The following TAOK3 variants were observed in gnomAD, a reference collection of about 807,000 sequenced individuals.
TAOK3 encodes the protein TAO kinase 3, also known as serine/threonine-protein kinase TAO3.
A neutral mutation model predicts 120.4 loss-of-function variants in TAOK3; 40 were observed. The observed-to-expected ratio is 0.33, with a 90% CI of 0.26 to 0.43. The LOEUF (loss-of-function observed/expected upper bound fraction) is 0.43, where lower values mean the gene tolerates loss of function less well. Ranked by LOEUF, TAOK3 falls within the 20% of genes least tolerant of loss-of-function variation. The pLI is 1.00. For synonymous variants in TAOK3, 355 were observed against 387.5 expected, an observed-to-expected ratio of 0.92 and a Z score of 0.99; for missense variants, 821 against 1,112.1, an observed-to-expected ratio of 0.74 and a Z score of 3.72.
intron 1 of TAOK3, among the ~76,000 whole-genome samples, chr12:118,285,383 G>GCAAGAGCAAGA (rs2042231589): frequency 6.7e-6 from 1 of 150,262 alleles, no homozygotes. Context: ...ACCAAGTCTT[G>GCAAGAGCAAGA]CTCTTGTCCC....
Position 118,149,894 on chromosome 12 carries a change from A to T in TAOK3, c.*1103T>A, listed in dbSNP as rs1332689118. ...CTGAAAAATGTTTTGTTTTGTTTTT[A>T]AAGTGCATGCAAAAGAAGTAAAGCC... On this transcript the variant is annotated 3_prime_UTR_variant, in exon 21 of 21. Coordinates refer to ENST00000392533, the MANE Select transcript of TAOK3 (RefSeq NM_016281.4). 6.6e-6 allele frequency: 1 copy of T among 152,248 alleles called. No individual in the cohort carries two copies. The highest frequency in any genetic ancestry group is 6.5e-5 in the Admixed American group (1 of 15,282). 9.4% of individuals were successfully genotyped at this position (152,248 alleles called of 1,614,324 possible). A position where few individuals can be genotyped will look rare whatever the true frequency, so the allele number is the denominator to read the frequency against.
At chr12:118,187,459 C>T (rs939387538) in intron 14 of TAOK3, among the ~76,000 whole-genome samples, 1 of 152,096 alleles carries the variant, frequency 6.6e-6, no homozygotes, top group African/African-American at 2.4e-5. Flanking sequence ...TTATACACTA[C>T]TGTTGGCATT....
At chr12:118,320,457 A>G (rs1380816171) in intron 1 of TAOK3, among the ~76,000 whole-genome samples, 6 of 152,136 alleles carry the variant, frequency 3.9e-5, no homozygotes, top group African/African-American at 1.4e-4. Context: ...TAAGATACTG[A>G]ACAATAATAT....
intron 1 of TAOK3, among the ~76,000 whole-genome samples, chr12:118,301,584 TC>T (rs1033176542): frequency 6.6e-6 from 1 of 151,964 alleles, no homozygotes; most frequent in African/African-American, 2.4e-5. Flanking sequence ...GGTGGCTCAC[TC>T]CTATAATCCC....
At position 118,371,755 on chromosome 12, in the gene TAOK3, G is replaced by T. The variant is rs1366076556; in HGVS notation, c.-194+893C>A. Reference sequence around the variant, plus strand: ...CCCTCGCTGCTCACGCCGGGCCCCCGCTATGTGACTGGGGGCCCGACCCGC... The same window carrying T: ...CCCTCGCTGCTCACGCCGGGCCCCCTCTATGTGACTGGGGGCCCGACCCGC... On this transcript the variant is annotated intron_variant, in intron 1 of 20. Transcript: ENST00000392533. This position sits in a 1 kb window ranked among gnomAD's most constrained non-coding sequence, Gnocchi z 5.5. Among the ~76,000 whole-genome samples, 1 of 152,010 alleles carries T rather than the reference G, an allele frequency of 6.6e-6. No individual in the cohort carries two copies. Among genetic ancestry groups the T allele is most frequent in the Non-Finnish European group, 1.5e-5 (1 of 67,968 alleles).
intron 1 of TAOK3, among the ~76,000 whole-genome samples, chr12:118,360,518 A>T (rs1021236989): frequency 6.7e-6 from 1 of 149,918 alleles, no homozygotes; most frequent in African/African-American, 2.5e-5. Context: ...CAGTGAGCCA[A>T]GATCGCGCCA....
At chr12:118,178,122 A>C (rs1047992368) in intron 15 of TAOK3, among the ~76,000 whole-genome samples, 2 of 152,078 alleles carry the variant, frequency 1.3e-5, no homozygotes, top group African/African-American at 2.4e-5. Flanking sequence ...AAGTATTTTT[A>C]AAAAATGATC....
chr12:118,201,627 C>A (rs956045787), intron 11 of TAOK3, among the ~76,000 whole-genome samples, 164 bp from the exon 12 acceptor site: 1 of 152,152 alleles, frequency 6.6e-6, no homozygotes, highest in Non-Finnish European at 1.5e-5. Flanking sequence ...TTTTGTAAAT[C>A]TCATAAAGAG....
At chr12:118,151,240 CAT>C (rs1376390269) in intron 20 of TAOK3, 82 bp from the exon 21 acceptor site, 6 of 1,442,354 alleles carry the variant, frequency 4.2e-6, no homozygotes, top group South Asian at 3.7e-5. Flanking sequence ...CATAGGCACA[CAT>C]ATGACATGCA....
chr12:118,314,988 T>C (rs2043398387), intron 1 of TAOK3, among the ~76,000 whole-genome samples: 2 of 151,978 alleles, frequency 1.3e-5, no homozygotes, highest in South Asian at 2.1e-4. Flanking sequence ...GTGCGTGCAG[T>C]GGCAAGATCT....
At chr12:118,205,609 A>G (rs1296088491) in intron 11 of TAOK3, among the ~76,000 whole-genome samples, 2 of 151,812 alleles carry the variant, frequency 1.3e-5, no homozygotes, top group African/African-American at 4.8e-5. Context: ...TCATTCCCCC[A>G]TTCCAACTTC....
At chr12:118,350,549 C>T (rs1048214143) in intron 1 of TAOK3, among the ~76,000 whole-genome samples, 5 of 152,000 alleles carry the variant, frequency 3.3e-5, no homozygotes, top group African/African-American at 9.7e-5. Flanking sequence ...GTTTAAATGA[C>T]GGGTCTTCAG....
intron 1 of TAOK3, among the ~76,000 whole-genome samples, chr12:118,327,268 C>T (rs1399119228): frequency 6.6e-6 from 1 of 152,090 alleles, no homozygotes; most frequent in African/African-American, 2.4e-5. Context: ...CAAGTAACTC[C>T]CACAAGAATC....
chr12:118,158,968 T>C (rs1375338708), intron 19 of TAOK3, among the ~76,000 whole-genome samples: 1 of 152,218 alleles, frequency 6.6e-6, no homozygotes, highest in African/African-American at 2.4e-5. Flanking sequence ...TTTTCTTTTA[T>C]GCCTATTTGG....
Position 118,276,467 on chromosome 12 carries a change from C to T in TAOK3, c.-193-9708G>A, listed in dbSNP as rs144810660. ...CTGTAATCCCAGCACTTTGGGAGGCCGAGGCGGGCAGATCACGAGGTCAGG... is the reference window on the plus strand; with the variant it reads ...CTGTAATCCCAGCACTTTGGGAGGCTGAGGCGGGCAGATCACGAGGTCAGG... On this transcript the variant is annotated intron_variant, in intron 1 of 20. Transcript: ENST00000392533. Among the ~76,000 whole-genome samples, 1,748 of 152,062 alleles carry T rather than the reference C, an allele frequency of 0.011. 183 individuals carry two copies. In the East Asian group the frequency reaches 0.25, roughly 21 times the overall value.
At chr12:118,234,212 A>ATTTTTTTTTTT (rs763473530) in intron 8 of TAOK3, among the ~76,000 whole-genome samples, 908 of 58,324 alleles carry the variant, frequency 0.016, 229 homozygotes, top group Non-Finnish European at 0.02. Context: ...AAAGCAGGAA[A>ATTTTTTTTTTT]TTTTTTTTTT....
intron 9 of TAOK3, among the ~76,000 whole-genome samples, chr12:118,224,636 A>G (rs1431180472): frequency 1.3e-5 from 2 of 152,198 alleles, no homozygotes; most frequent in Admixed American, 6.5e-5. Flanking sequence ...TTCAACCTCC[A>G]AGAGTTTTAA....
chr12:118,207,797 T>C (rs1593160802), intron 11 of TAOK3, among the ~76,000 whole-genome samples: 1 of 151,044 alleles, frequency 6.6e-6, no homozygotes, highest in South Asian at 2.1e-4. Context: ...GAGGCGAAGG[T>C]TGCAGTGAGA....
At chr12:118,214,287 C>A in intron 9 of TAOK3, 177 bp from the exon 10 acceptor site, 1 of 531,572 alleles carries the variant, frequency 1.9e-6, no homozygotes, top group Non-Finnish European at 3.3e-6. Flanking sequence ...TCAGAAGAAG[C>A]TGCCGGACAT....
Sources: gnomAD v4.1 joint callset for allele counts (sites outside exome capture counted in the v4.1 genomes callset) on GRCh38, gnomAD v4.1.1 for gene constraint, Gnocchi (gnomAD v3.1) non-coding constraint, MANE v1.5 for transcripts, NCBI Gene and HGNC (gene_info 2026-07-23, HGNC 2026-07-21) for gene names.